The following XPO6 variants were observed in gnomAD, a reference collection of about 807,000 sequenced individuals.
XPO6 encodes the protein exportin 6.
A neutral mutation model predicts 130.0 loss-of-function variants in XPO6; 3 were observed. The observed-to-expected ratio is 0.02, with a 90% CI of 0.01 to 0.06. The LOEUF (loss-of-function observed/expected upper bound fraction) is 0.06, where lower values mean the gene tolerates loss of function less well. Among genes scored for constraint, XPO6 ranks in the 10% least tolerant of loss-of-function variants. The probability of loss-of-function intolerance (pLI) is 1.00; values close to 1 mark genes in which losing one functional copy is unlikely to be tolerated. For synonymous variants in XPO6, 524 were observed against 548.9 expected (o/e 0.95, Z 0.63); for missense variants, 970 against 1,393.0 (o/e 0.70, Z 4.83).
intron 6 of XPO6, chr16:28,165,506 T>C (rs764265610): frequency 1.3e-5 from 2 of 152,242 alleles, no homozygotes; most frequent in Non-Finnish European, 2.9e-5. Context: ...GGCTCTCTAA[T>C]AATTTTTAAT....
At position 28,170,332 on chromosome 16, in the gene XPO6, CA is replaced by C. The variant is rs10638478; in HGVS notation, c.406-424del. ...GGGCACCGAGAGCAAAACTCTGTCT[CA>C]AAAAAAAAAAAAAAAAAGAAACATC... On this transcript the variant is annotated intron_variant, in intron 4 of 23. Transcript: ENST00000304658. Among the ~76,000 whole-genome samples, 170 of 81,340 alleles carry C rather than the reference CA, an allele frequency of 2.1e-3. 1 individual carries two copies. Among genetic ancestry groups the C allele is most frequent in the Non-Finnish European group, 2.0e-3 (70 of 34,580 alleles). The allele number at this position is 81,340 out of a possible 152,430, so 53.4% of individuals were successfully genotyped here.
intron 13 of XPO6, 103 bp downstream of exon 13, chr16:28,125,586 G>A (rs1443199907): frequency 2.3e-5 from 33 of 1,425,912 alleles, no homozygotes; most frequent in Non-Finnish European, 2.6e-5. Context: ...AGATTTACCC[G>A]GGGCCAGAGC....
At chr16:28,202,381 G>A (rs1157642339) in intron 1 of XPO6, among the ~76,000 whole-genome samples, 1 of 152,156 alleles carries the variant, frequency 6.6e-6, no homozygotes, top group Admixed American at 6.6e-5. Context: ...AGCTCTATGA[G>A]GCAGCTCAGC....
At chr16:28,153,175 A>C (rs2043124251) in intron 7 of XPO6, 1 of 1,019,322 alleles carries the variant, frequency 9.8e-7, no homozygotes, top group South Asian at 3.8e-5. Flanking sequence ...AAAATACTAA[A>C]GTGAATGGTG....
intron 15 of XPO6, among the ~76,000 whole-genome samples, chr16:28,114,172 C>G (rs948604067): frequency 9.6e-6 from 1 of 103,916 alleles, no homozygotes; most frequent in Non-Finnish European, 1.9e-5. Flanking sequence ...TCATTTCTAG[C>G]AATAGGAAAA....
chr16:28,112,496 T>G (rs8060509), intron 16 of XPO6, among the ~76,000 whole-genome samples: 8,111 of 152,250 alleles, frequency 0.053, 540 homozygotes, highest in East Asian at 0.17. Flanking sequence ...ACTTCTAGCT[T>G]GAGCCTCCTT....
At chr16:28,122,556 A>G (rs1284614830) in intron 13 of XPO6, among the ~76,000 whole-genome samples, 1 of 152,052 alleles carries the variant, frequency 6.6e-6, no homozygotes, top group Admixed American at 6.5e-5. Context: ...TTGAGGATGG[A>G]CTAAGCCAGG....
At chr16:28,186,672 A>ATTTTTTT (rs35690546) in intron 1 of XPO6, among the ~76,000 whole-genome samples, 1 of 140,876 alleles carries the variant, frequency 7.1e-6, no homozygotes, top group Admixed American at 7.1e-5. Flanking sequence ...ATTCAGCCTA[A>ATTTTTTT]TTTTTTTTTT....
intron 15 of XPO6, among the ~76,000 whole-genome samples, chr16:28,116,389 G>A (rs1415734338): frequency 6.6e-6 from 1 of 151,610 alleles, no homozygotes; most frequent in Admixed American, 6.6e-5. Context: ...GTGAACCCGG[G>A]AGACGGAGCT....
intron 18 of XPO6, 31 bp downstream of exon 18, chr16:28,107,484 GCACCACC>G: frequency 6.2e-7 from 1 of 1,611,536 alleles, no homozygotes; most frequent in Non-Finnish European, 8.5e-7. Context: ...GCCCTTGTTA[GCACCACC>G]CACCAGTGGG....
intron 1 of XPO6, among the ~76,000 whole-genome samples, chr16:28,207,736 T>A (rs996080876): frequency 6.6e-6 from 1 of 152,154 alleles, no homozygotes; most frequent in Non-Finnish European, 1.5e-5. Context: ...AAATGCCAAC[T>A]CCACCACTTG....
At chr16:28,109,403 G>A (rs903619102) in intron 17 of XPO6, among the ~76,000 whole-genome samples, 4 of 150,508 alleles carry the variant, frequency 2.7e-5, no homozygotes, top group Admixed American at 1.3e-4. Flanking sequence ...TCTTGACCTC[G>A]CCCACTTTCT....
intron 13 of XPO6, 31 bp downstream of exon 13, chr16:28,125,658 G>T: frequency 6.2e-7 from 1 of 1,603,262 alleles, no homozygotes; most frequent in South Asian, 1.1e-5. Flanking sequence ...TCTGAAGAAG[G>T]AACAGCTCCA....
chr16:28,113,961 T>A (rs1027176660), intron 15 of XPO6, among the ~76,000 whole-genome samples: 16 of 152,166 alleles, frequency 1.1e-4, no homozygotes, highest in African/African-American at 3.4e-4. Flanking sequence ...TAAAAATGTA[T>A]AAAATGTTAT....
In XPO6 at chr16:28,211,493, T is replaced by G; in HGVS notation, c.-125A>C. 4.4e-6 allele frequency: 5 copies of G among 1,126,870 alleles called. No individual in the cohort carries two copies. Among genetic ancestry groups the G allele is most frequent in the Non-Finnish European group, 5.7e-6 (5 of 871,934 alleles). 69.8% of individuals were successfully genotyped at this position (1,126,870 alleles called of 1,614,324 possible). Reference sequence around the variant, plus strand: ...CCCCCACCCATGCAAAGACAACCCCTTCCCCACCGGGCCCCGAGGGGACCC... The same window carrying G: ...CCCCCACCCATGCAAAGACAACCCCGTCCCCACCGGGCCCCGAGGGGACCC... On this transcript the variant is annotated 5_prime_UTR_variant, in exon 1 of 24. Coordinates refer to ENST00000304658, the MANE Select transcript of XPO6 (RefSeq NM_015171.4).
At chr16:28,210,604 A>C (rs2044112664) in intron 1 of XPO6, among the ~76,000 whole-genome samples, 2 of 152,234 alleles carry the variant, frequency 1.3e-5, no homozygotes, top group African/African-American at 4.8e-5. Context: ...GGGAGTATTG[A>C]AAGTATCGGT....
chr16:28,112,040 C>G, intron 16 of XPO6, 34 bp from the exon 17 acceptor site: 1 of 1,587,454 alleles, frequency 6.3e-7, no homozygotes, highest in Non-Finnish European at 8.6e-7. Context: ...CATCAGAGGT[C>G]AGAGCCAAAG....
chr16:28,176,223 A>T, intron 3 of XPO6, 128 bp from the exon 4 acceptor site: 1 of 788,140 alleles, frequency 1.3e-6, no homozygotes, highest in Non-Finnish European at 2.0e-6. Flanking sequence ...TTGGGGCAAT[A>T]TGGCAATAAG....
At chr16:28,199,945 C>G (rs1029677820) in intron 1 of XPO6, among the ~76,000 whole-genome samples, 4 of 152,036 alleles carry the variant, frequency 2.6e-5, no homozygotes, top group Non-Finnish European at 4.4e-5. Flanking sequence ...TACCTGAGGT[C>G]AGGAGTTCAA....
Sources: gnomAD v4.1 joint callset for allele counts (sites outside exome capture counted in the v4.1 genomes callset) on GRCh38, gnomAD v4.1.1 for gene constraint, MANE v1.5 for transcripts, NCBI Gene and HGNC (gene_info 2026-07-23, HGNC 2026-07-21) for gene names.